The following ARMC3 variants were observed in gnomAD, a reference collection of about 807,000 sequenced individuals.
ARMC3 encodes armadillo repeat-containing protein 3.
A neutral mutation model predicts 90.3 loss-of-function variants in ARMC3; 74 were observed. The ratio of observed to expected loss-of-function variants is 0.82; its 90% CI spans 0.68 to 0.99. The LOEUF is 0.99. Ranked by LOEUF, ARMC3 falls within the 50% of genes least tolerant of loss-of-function variation. The pLI is 0.00. For synonymous variants in ARMC3, 334 were observed against 361.8 expected, an observed-to-expected ratio of 0.92 and a Z score of 0.87; for missense variants, 958 against 1,042.8, an observed-to-expected ratio of 0.92 and a Z score of 1.12.
chr10:22,997,376 C>T (rs556982319), intron 10 of ARMC3: 1 of 152,028 alleles, frequency 6.6e-6, no homozygotes, highest in African/African-American at 2.4e-5. Flanking sequence ...ATTCTGTGCT[C>T]TTAAAAGAAG....
chr10:23,037,233 G>T (rs199971969), intron 18 of ARMC3, 37 bp from the exon 19 acceptor site: 8 of 1,506,594 alleles, frequency 5.3e-6, no homozygotes, highest in Non-Finnish European at 6.3e-6. Context: ...CCCCTCTCCC[G>T]CACCACCCTT....
intron 13 of ARMC3, among the ~76,000 whole-genome samples, chr10:23,003,954 C>T (rs1030290131): frequency 6.6e-6 from 1 of 152,048 alleles, no homozygotes; most frequent in African/African-American, 2.4e-5. Context: ...CAAGATCAGC[C>T]TGGGGAACAT....
Position 22,956,063 on chromosome 10 carries a change from A to T in ARMC3, c.292+131A>T. ...TTCATGTTCACAAAAACATTTTATC[A>T]GTATAATGCAGCAAATGTGTGATTT... is the stretch of plus-strand genomic sequence containing the variant. On this transcript the variant is annotated intron_variant, in intron 4 of 18. Coordinates refer to ENST00000298032, the MANE Select transcript of ARMC3 (RefSeq NM_173081.5). The T allele has an allele frequency of 3.6e-6, 3 of 829,950 alleles. No homozygotes were observed. The South Asian group carries it at 6.9e-5, about 19-fold the overall frequency. 51.4% of individuals were successfully genotyped at this position (829,950 alleles called of 1,614,324 possible). A position where few individuals can be genotyped will look rare whatever the true frequency, so the allele number is the denominator to read the frequency against.
intron 18 of ARMC3, among the ~76,000 whole-genome samples, chr10:23,033,646 A>G (rs1203457995): frequency 6.6e-6 from 1 of 152,190 alleles, no homozygotes. Flanking sequence ...TTACCCTAAA[A>G]TATAACAGTA....
chr10:23,002,946 C>T (rs905315875), intron 12 of ARMC3, among the ~76,000 whole-genome samples: 2 of 152,106 alleles, frequency 1.3e-5, no homozygotes, highest in Non-Finnish European at 2.9e-5. Context: ...CATATATTGT[C>T]TAGTTAGATG....
chr10:22,955,695 C>A, intron 3 of ARMC3, 112 bp from the exon 4 acceptor site: 3 of 1,327,514 alleles, frequency 2.3e-6, no homozygotes, highest in Non-Finnish European at 3.1e-6. Flanking sequence ...CGAACGGAAG[C>A]CAAGAGTAAT....
intron 2 of ARMC3, among the ~76,000 whole-genome samples, chr10:22,945,830 TC>T (rs1834504165): frequency 6.6e-6 from 1 of 152,216 alleles, no homozygotes; most frequent in African/African-American, 2.4e-5. Flanking sequence ...ACTATTATCC[TC>T]ATCAAACAGA....
rs1485663294 is a variant in ARMC3, at chr10:23,038,087, T to C, written c.*608T>C. The C allele has an allele frequency of 6.6e-6, 1 of 152,222 alleles. No individual in the cohort carries two copies. The highest frequency in any genetic ancestry group is 1.5e-5 in the Non-Finnish European group (1 of 68,042). 9.4% of individuals were successfully genotyped at this position (152,222 alleles called of 1,614,324 possible). A position where few individuals can be genotyped will look rare whatever the true frequency, so the allele number is the denominator to read the frequency against. ...GTATATTTCCATAAAATGGTTTTGG[T>C]TTCATCTTGTCTGTGTTAGCTTGGA... On this transcript the variant is annotated 3_prime_UTR_variant, in exon 19 of 19. Coordinates refer to ENST00000298032, the MANE Select transcript of ARMC3 (RefSeq NM_173081.5).
At chr10:22,993,881 A>G (rs1836827710) in intron 10 of ARMC3, among the ~76,000 whole-genome samples, 3 of 152,224 alleles carry the variant, frequency 2.0e-5, no homozygotes, top group Non-Finnish European at 4.4e-5. Context: ...AGTGAGCCAT[A>G]GACGCTATTT....
intron 3 of ARMC3, chr10:22,955,228 G>C (rs1407728056): frequency 6.6e-6 from 1 of 152,284 alleles, no homozygotes; most frequent in Non-Finnish European, 1.5e-5. Context: ...GTAGCTATTT[G>C]TGCATCCCTT....
At chr10:22,933,170 G>A (rs12049669) in intron 2 of ARMC3, among the ~76,000 whole-genome samples, 1 of 152,174 alleles carries the variant, frequency 6.6e-6, no homozygotes, top group Non-Finnish European at 1.5e-5. Context: ...GGTCCAGGAA[G>A]GCTTTGCAGG....
chr10:22,931,377 G>A (rs1833924486), intron 1 of ARMC3, among the ~76,000 whole-genome samples: 2 of 152,172 alleles, frequency 1.3e-5, no homozygotes, highest in Non-Finnish European at 2.9e-5. Flanking sequence ...TATCTCTTCA[G>A]ATTTTTTAAT....
At chr10:23,018,726 C>T (rs1209899550) in intron 16 of ARMC3, among the ~76,000 whole-genome samples, 1 of 152,078 alleles carries the variant, frequency 6.6e-6, no homozygotes, top group East Asian at 1.9e-4. Context: ...CCACATTAGC[C>T]AGGATGGTCT....
intron 18 of ARMC3, among the ~76,000 whole-genome samples, chr10:23,034,161 T>C (rs898489906): frequency 6.6e-6 from 1 of 152,178 alleles, no homozygotes; most frequent in African/African-American, 2.4e-5. Flanking sequence ...TTGGATTTCC[T>C]ATTCCCTTTC....
intron 2 of ARMC3, among the ~76,000 whole-genome samples, chr10:22,938,679 C>A (rs952211543): frequency 3.3e-5 from 5 of 151,914 alleles, no homozygotes; most frequent in Admixed American, 6.6e-5. Context: ...AGAGATCAAG[C>A]CTGAGCAATG....
intron 8 of ARMC3, among the ~76,000 whole-genome samples, chr10:22,971,348 G>A (rs1024074054): frequency 1.3e-5 from 2 of 151,814 alleles, no homozygotes; most frequent in African/African-American, 4.8e-5. Flanking sequence ...AAGAATGTGG[G>A]TATACAGATA....
chr10:23,002,548 C>CTCTT (rs137938291), intron 12 of ARMC3, among the ~76,000 whole-genome samples: 192 of 147,568 alleles, frequency 1.3e-3, no homozygotes, highest in East Asian at 2.2e-3. Context: ...CATTTCTTTT[C>CTCTT]TCTTTCTTTC....
chr10:23,021,880 A>G (rs1838529154), intron 16 of ARMC3, among the ~76,000 whole-genome samples: 1 of 152,092 alleles, frequency 6.6e-6, no homozygotes, highest in Non-Finnish European at 1.5e-5. Context: ...TCTGTTGACC[A>G]TGTGGCTTGC....
chr10:23,003,211 A>G, intron 12 of ARMC3, 35 bp from the exon 13 acceptor site: 1 of 1,590,090 alleles, frequency 6.3e-7, no homozygotes, highest in African/African-American at 1.3e-5. Flanking sequence ...GATGGCTTGT[A>G]TAAAGCAAAT....
Sources: allele counts gnomAD v4.1 joint callset (sites outside exome capture counted in the v4.1 genomes callset), GRCh38; gene constraint gnomAD v4.1.1; transcripts MANE v1.5; gene names NCBI Gene and HGNC (gene_info 2026-07-23, HGNC 2026-07-21).